Variants in LINGO2 observed in about 807,000 individuals in gnomAD.
LINGO2 encodes leucine rich repeat and Ig domain containing 2.
In LINGO2, 14 loss-of-function variants were observed where a neutral mutation model predicts 30.6. The ratio of observed to expected loss-of-function variants is 0.46; its 90% CI spans 0.30 to 0.72. The LOEUF (loss-of-function observed/expected upper bound fraction) is 0.72, where lower values mean the gene tolerates loss of function less well. Ranked by LOEUF, LINGO2 falls within the 30% of genes least tolerant of loss-of-function variation. LINGO2 has a pLI of 0.07. For synonymous variants in LINGO2, 317 were observed against 288.5 expected, an observed-to-expected ratio of 1.10 and a Z score of -1.00; for missense variants, 729 against 751.7, an observed-to-expected ratio of 0.97 and a Z score of 0.35.
rs572157442 is a variant in LINGO2 at position 28,589,989 on chromosome 9, G to A, written c.-365+80211C>T. On this transcript the variant is annotated intron_variant, in intron 1 of 5. Transcript: ENST00000379992. ...CCAATGGAACAGAACAGAGCCCTCAGAGATAATGCTGCATATCTACAACCA... is the reference window on the plus strand; with the variant it reads ...CCAATGGAACAGAACAGAGCCCTCAAAGATAATGCTGCATATCTACAACCA... Among the ~76,000 whole-genome samples the A allele has an allele frequency of 1.6e-4, 25 of 152,274 alleles. No individual in the cohort carries two copies. In the South Asian group the frequency reaches 5.0e-3, roughly 30 times the overall value.
chr9:28,520,648 G>T (rs993322932), intron 1 of LINGO2, among the ~76,000 whole-genome samples: 5 of 152,080 alleles, frequency 3.3e-5, no homozygotes, highest in Non-Finnish European at 7.4e-5. Flanking sequence ...CTAGAAGACA[G>T]CCTAGTACCC....
the LINGO2 span, among the ~76,000 whole-genome samples, chr9:29,005,471 C>T: frequency 2.6e-5 from 4 of 151,940 alleles, no homozygotes; most frequent in Non-Finnish European, 4.4e-5. Flanking sequence ...CAAAGTGGTG[C>T]GGTATTTACA....
At chr9:28,622,728 A>AT (rs36004975) in intron 1 of LINGO2, among the ~76,000 whole-genome samples, 2,251 of 144,604 alleles carry the variant, frequency 0.016, 25 homozygotes, top group African/African-American at 0.028. Context: ...TGGCAGCTCT[A>AT]TTTTTTTTTT....
chr9:28,837,436 A>G, the LINGO2 span, among the ~76,000 whole-genome samples: 1 of 151,376 alleles, frequency 6.6e-6, no homozygotes, highest in African/African-American at 2.4e-5. Flanking sequence ...ACCTGAGGTC[A>G]GGAGTTTGAG....
the LINGO2 span, among the ~76,000 whole-genome samples, chr9:28,847,507 C>A: frequency 8.9e-5 from 13 of 146,646 alleles, 1 homozygote; most frequent in Non-Finnish European, 1.9e-4. Context: ...GTCTTTTCTT[C>A]CTTCACATGC....
intron 2 of LINGO2, among the ~76,000 whole-genome samples, chr9:28,475,517 A>G (rs1219503519): frequency 2.0e-5 from 3 of 152,172 alleles, no homozygotes; most frequent in African/African-American, 7.2e-5. Context: ...ATAATACACG[A>G]AAGTATTTAG....
chr9:28,646,451 C>T (rs1325384592), intron 1 of LINGO2, among the ~76,000 whole-genome samples: 1 of 152,008 alleles, frequency 6.6e-6, no homozygotes. Context: ...ACAATTAACA[C>T]CTTTAAGAAC....
At chr9:28,443,395 G>A (rs568682715) in intron 2 of LINGO2, among the ~76,000 whole-genome samples, 10 of 152,300 alleles carry the variant, frequency 6.6e-5, no homozygotes, top group African/African-American at 1.2e-4. Context: ...GGGAACAGGC[G>A]GGAGCCCTGA....
At chr9:28,937,493 T>C in the LINGO2 span, among the ~76,000 whole-genome samples, 4 of 152,182 alleles carry the variant, frequency 2.6e-5, no homozygotes, top group Admixed American at 6.5e-5. Context: ...TTCTGTTAGA[T>C]CTGAAGGTTC....
chr9:28,237,607 T>A (rs1275898600), intron 4 of LINGO2, among the ~76,000 whole-genome samples: 1 of 152,138 alleles, frequency 6.6e-6, no homozygotes, highest in African/African-American at 2.4e-5. Context: ...CCCAGCACTT[T>A]GGAAGGCCGA....
At chr9:29,189,577 G>A in the LINGO2 span, among the ~76,000 whole-genome samples, 4 of 151,996 alleles carry the variant, frequency 2.6e-5, no homozygotes, top group Admixed American at 2.6e-4. Flanking sequence ...TGGGATGGCG[G>A]CCAGGCAGAG....
At chr9:27,975,933 T>C (rs1051092542) in intron 5 of LINGO2, among the ~76,000 whole-genome samples, 4 of 152,090 alleles carry the variant, frequency 2.6e-5, no homozygotes, top group African/African-American at 7.2e-5. Flanking sequence ...TTAATCAAAC[T>C]TGGTGATTAT....
At chr9:28,267,932 C>A (rs950817250) in intron 4 of LINGO2, among the ~76,000 whole-genome samples, 4 of 151,862 alleles carry the variant, frequency 2.6e-5, no homozygotes, top group African/African-American at 7.3e-5. Context: ...GTTTTCTCAT[C>A]GATAAAATGG....
intron 5 of LINGO2, among the ~76,000 whole-genome samples, chr9:27,993,974 G>A (rs1395733695): frequency 2.6e-5 from 4 of 151,524 alleles, no homozygotes; most frequent in Non-Finnish European, 5.9e-5. Flanking sequence ...GACCACCGTG[G>A]AATAAAACTA....
chr9:27,997,097 C>G (rs183057391), intron 5 of LINGO2, among the ~76,000 whole-genome samples: 1 of 152,122 alleles, frequency 6.6e-6, no homozygotes. Context: ...CCTTACAATA[C>G]CATCAGTTAC....
chr9:28,710,629 T>C, the LINGO2 span, among the ~76,000 whole-genome samples: 8 of 152,086 alleles, frequency 5.3e-5, no homozygotes, highest in African/African-American at 1.9e-4. Flanking sequence ...GAACAGTCTC[T>C]TTCTAAATTT....
chr9:28,726,929 G>A, the LINGO2 span, among the ~76,000 whole-genome samples: 2 of 151,948 alleles, frequency 1.3e-5, no homozygotes, highest in Admixed American at 1.3e-4. Context: ...CCCTATTTTC[G>A]GTTTTCTGGG....
chr9:28,094,139 C>G (rs1166529001), intron 4 of LINGO2, among the ~76,000 whole-genome samples: 1 of 151,950 alleles, frequency 6.6e-6, no homozygotes, highest in African/African-American at 2.4e-5. Flanking sequence ...ATTATTTTCA[C>G]AAAATGTGGT....
chr9:28,587,992 C>A (rs1824652281), intron 1 of LINGO2, among the ~76,000 whole-genome samples: 1 of 151,934 alleles, frequency 6.6e-6, no homozygotes. Context: ...ATCCATGGAC[C>A]AGGGATATCT....
Sources: allele counts gnomAD v4.1 joint callset (sites outside exome capture counted in the v4.1 genomes callset), GRCh38; gene constraint gnomAD v4.1.1; transcripts MANE v1.5; gene names NCBI Gene and HGNC (gene_info 2026-07-23, HGNC 2026-07-21).